Variants in ETV6 observed in about 807,000 individuals in gnomAD.
ETV6 encodes the protein transcription factor ETV6.
ETV6 carries 16 observed loss-of-function variants against 51.1 expected under a neutral mutation model. The observed-to-expected ratio is 0.31, with a 90% CI of 0.21 to 0.48. ETV6 has a LOEUF of 0.48. ETV6 is among the 20% of genes least tolerant of loss of function. The pLI, the probability that ETV6 is intolerant of heterozygous loss-of-function variation, is 0.99. For missense variants in ETV6, 458 were observed against 594.8 expected (o/e 0.77, Z 2.39); for synonymous variants, 240 against 224.1 (o/e 1.07, Z -0.64).
chr12:11,782,750 C>G (rs1465501551), intron 2 of ETV6, among the ~76,000 whole-genome samples: 2 of 152,256 alleles, frequency 1.3e-5, no homozygotes, highest in East Asian at 3.9e-4. Context: ...TAATTTAGAA[C>G]TATAACACCT....
chr12:11,856,383 T>C (rs946176726), intron 4 of ETV6, among the ~76,000 whole-genome samples: 3 of 152,162 alleles, frequency 2.0e-5, no homozygotes, highest in Non-Finnish European at 4.4e-5. Context: ...CTCTTAAAAG[T>C]AGTGCATTTT....
chr12:11,775,630 G>C (rs1945311484), intron 2 of ETV6, among the ~76,000 whole-genome samples: 1 of 152,190 alleles, frequency 6.6e-6, no homozygotes. Context: ...TACCCCACCA[G>C]ATGTGTGCAG....
At chr12:11,820,178 C>G (rs1591697094) in intron 2 of ETV6, among the ~76,000 whole-genome samples, 1 of 152,324 alleles carries the variant, frequency 6.6e-6, no homozygotes, top group Non-Finnish European at 1.5e-5. Flanking sequence ...CAAGGTCACA[C>G]AGCTAGGAAG....
chr12:11,857,045 A>G (rs1215509408), intron 4 of ETV6, among the ~76,000 whole-genome samples: 1 of 152,252 alleles, frequency 6.6e-6, no homozygotes, highest in Non-Finnish European at 1.5e-5. Context: ...GCTGTTAAGC[A>G]GCCTGGCACA....
At chr12:11,753,790 T>G (rs933547368) in intron 2 of ETV6, among the ~76,000 whole-genome samples, 2 of 152,126 alleles carry the variant, frequency 1.3e-5, no homozygotes, top group African/African-American at 4.8e-5. Context: ...TTGTGAGGAG[T>G]TGGAGGCATG....
chr12:11,655,731 G>A (rs902346371), intron 1 of ETV6, among the ~76,000 whole-genome samples: 4 of 152,204 alleles, frequency 2.6e-5, no homozygotes, highest in Non-Finnish European at 5.9e-5. Context: ...AAAATACAGA[G>A]TTCAGCCTGG....
At chr12:11,720,047 A>C (rs1441171948) in intron 1 of ETV6, among the ~76,000 whole-genome samples, 2 of 152,224 alleles carry the variant, frequency 1.3e-5, no homozygotes, top group African/African-American at 2.4e-5. Context: ...CAGAAGCTAT[A>C]AACAGGACTG....
intron 1 of ETV6, among the ~76,000 whole-genome samples, chr12:11,694,165 A>G (rs1864827112): frequency 6.6e-6 from 1 of 152,272 alleles, no homozygotes; most frequent in South Asian, 2.1e-4. Flanking sequence ...ATTTATTTGT[A>G]TTCTTGTAGC....
At position 11,661,705 on chromosome 12, in the gene ETV6, G is replaced by A. The variant is rs545915338; in HGVS notation, c.33+11545G>A. Reference sequence around the variant, plus strand: ...GCTGACGCTGATACTTTCGGGTGAGGTGGAAGGAGAGAGCATACCTGTTGG... The same window carrying A: ...GCTGACGCTGATACTTTCGGGTGAGATGGAAGGAGAGAGCATACCTGTTGG... On this transcript the variant is annotated intron_variant, in intron 1 of 7. Coordinates refer to ENST00000396373, the MANE Select transcript of ETV6 (RefSeq NM_001987.5). Among the ~76,000 whole-genome samples the A allele has an allele frequency of 3.3e-5, 5 of 152,354 alleles. No individual in the cohort carries two copies. In the South Asian group the frequency reaches 1.0e-3, roughly 32 times the overall value.
intron 2 of ETV6, among the ~76,000 whole-genome samples, chr12:11,838,797 A>C (rs1565545949): frequency 6.6e-6 from 1 of 152,256 alleles, no homozygotes; most frequent in Admixed American, 6.5e-5. Context: ...GAACTGGGCA[A>C]GGAAGGGCAG....
In ETV6 at chr12:11,705,518, C is replaced by T. The variant is rs529203488; in HGVS notation, c.34-46932C>T. 1.2e-3 allele frequency among the ~76,000 whole-genome samples: 180 copies of T among 152,284 alleles called. 1 individual carries two copies. The highest frequency in any genetic ancestry group is 3.3e-3 in the African/African-American group (139 of 41,558). ...CTGCTTTGGACTGTTCGACTCTTCTCGGCCTGAGTAGCCAAAAAATAATAA... is the reference window on the plus strand; with the variant it reads ...CTGCTTTGGACTGTTCGACTCTTCTTGGCCTGAGTAGCCAAAAAATAATAA... On this transcript the variant is annotated intron_variant, in intron 1 of 7. Transcript: ENST00000396373.
intron 2 of ETV6, among the ~76,000 whole-genome samples, 164 bp from the exon 3 acceptor site, chr12:11,838,976 C>T (rs1040900879): frequency 1.3e-5 from 2 of 152,206 alleles, no homozygotes; most frequent in African/African-American, 4.8e-5. Flanking sequence ...CCCAGTGGGG[C>T]GGCTCAAACA....
At chr12:11,684,970 C>T (rs1002507896) in intron 1 of ETV6, among the ~76,000 whole-genome samples, 32 of 152,082 alleles carry the variant, frequency 2.1e-4, no homozygotes, top group African/African-American at 6.3e-4. Context: ...GAGAGAGTGA[C>T]GCAGGGCCAG....
At chr12:11,874,513 T>C (rs372790690) in intron 5 of ETV6, among the ~76,000 whole-genome samples, 1 of 8,652 alleles carries the variant, frequency 1.2e-4, no homozygotes, top group Non-Finnish European at 2.8e-4. Flanking sequence ...TATGTGCGTG[T>C]GTACACACAT....
chr12:11,826,822 T>C (rs986665022), intron 2 of ETV6, among the ~76,000 whole-genome samples: 7 of 152,164 alleles, frequency 4.6e-5, no homozygotes, highest in Non-Finnish European at 7.3e-5. Context: ...GTTACATATC[T>C]GTGGCCCTGG....
intron 2 of ETV6, among the ~76,000 whole-genome samples, chr12:11,779,455 A>G (rs1336431708): frequency 1.3e-5 from 2 of 152,202 alleles, no homozygotes; most frequent in Non-Finnish European, 2.9e-5. Flanking sequence ...TCACGTCAAG[A>G]AAGGAATGGA....
At chr12:11,859,496 G>C (rs183571891) in intron 4 of ETV6, among the ~76,000 whole-genome samples, 1 of 152,042 alleles carries the variant, frequency 6.6e-6, no homozygotes, top group Non-Finnish European at 1.5e-5. Flanking sequence ...TCCTTGTTGT[G>C]TGCCGGCCCT....
At chr12:11,805,439 A>T (rs760693220) in intron 2 of ETV6, among the ~76,000 whole-genome samples, 1 of 152,204 alleles carries the variant, frequency 6.6e-6, no homozygotes, top group African/African-American at 2.4e-5. Context: ...GGGATAGACA[A>T]GATATGTCTC....
At chr12:11,666,027 A>G (rs1201411490) in intron 1 of ETV6, among the ~76,000 whole-genome samples, 2 of 152,028 alleles carry the variant, frequency 1.3e-5, no homozygotes, top group African/African-American at 4.8e-5. Context: ...TGGGTCAGGG[A>G]GAGAGAACCA....
Sources: allele counts gnomAD v4.1 joint callset (sites outside exome capture counted in the v4.1 genomes callset), GRCh38; gene constraint gnomAD v4.1.1; transcripts MANE v1.5; gene names NCBI Gene and HGNC (gene_info 2026-07-23, HGNC 2026-07-21).